Variants in CNTN1 observed in about 807,000 individuals in gnomAD.
The protein encoded by CNTN1 is contactin-1.
CNTN1 carries 38 observed loss-of-function variants against 126.4 expected under a neutral mutation model. That is an observed-to-expected ratio of 0.30 (90% CI 0.23 to 0.39). The LOEUF (loss-of-function observed/expected upper bound fraction) is 0.39, where lower values mean the gene tolerates loss of function less well. Among genes scored for constraint, CNTN1 ranks in the 10% least tolerant of loss-of-function variants. CNTN1 has a pLI of 1.00. For missense variants in CNTN1, 1,009 were observed against 1,248.4 expected (o/e 0.81, Z 2.89); for synonymous variants, 413 against 422.6 (o/e 0.98, Z 0.28).
intron 1 of CNTN1, among the ~76,000 whole-genome samples, chr12:40,743,237 G>T (rs889330148): frequency 2.0e-5 from 3 of 152,166 alleles, no homozygotes; most frequent in African/African-American, 7.2e-5. Flanking sequence ...CAAGGTGTGG[G>T]GCGGGAGTGA....
intron 1 of CNTN1, among the ~76,000 whole-genome samples, chr12:40,780,151 G>GAA (rs1939735106): frequency 6.6e-6 from 1 of 151,890 alleles, no homozygotes; most frequent in African/African-American, 2.4e-5. Context: ...ATCAGTACAG[G>GAA]TATATGGAAG....
intron 1 of CNTN1, among the ~76,000 whole-genome samples, chr12:40,849,387 A>C (rs1213531416): frequency 6.6e-6 from 1 of 152,136 alleles, no homozygotes; most frequent in Admixed American, 6.5e-5. Flanking sequence ...ACATAAACAA[A>C]TGTAATAAAT....
At chr12:40,802,434 C>A (rs1028492753) in intron 1 of CNTN1, among the ~76,000 whole-genome samples, 1 of 151,950 alleles carries the variant, frequency 6.6e-6, no homozygotes, top group Non-Finnish European at 1.5e-5. Flanking sequence ...AACACAAGTT[C>A]ATCAATGACA....
chr12:40,912,447 G>A (rs1945075502), intron 3 of CNTN1, among the ~76,000 whole-genome samples: 1 of 151,076 alleles, frequency 6.6e-6, no homozygotes, highest in South Asian at 2.1e-4. Flanking sequence ...TTACACCCAG[G>A]CTAATCTAAA....
intron 15 of CNTN1, among the ~76,000 whole-genome samples, chr12:40,980,270 A>C (rs1947785449): frequency 6.7e-6 from 1 of 149,748 alleles, no homozygotes; most frequent in African/African-American, 2.5e-5. Context: ...CAGTCTCTGC[A>C]AAAGAGTACA....
At chr12:40,949,730 A>G (rs527481008) in intron 14 of CNTN1, among the ~76,000 whole-genome samples, 1 of 151,234 alleles carries the variant, frequency 6.6e-6, no homozygotes, top group African/African-American at 2.4e-5. Flanking sequence ...GCCTGCCACC[A>G]CACCTGACCA....
intron 7 of CNTN1, among the ~76,000 whole-genome samples, chr12:40,930,333 C>G (rs944186074): frequency 6.6e-6 from 1 of 151,958 alleles, no homozygotes; most frequent in Non-Finnish European, 1.5e-5. Flanking sequence ...GCCATTCCTA[C>G]TTCTTAGTAA....
chr12:40,745,430 G>C (rs1938142436), intron 1 of CNTN1, among the ~76,000 whole-genome samples: 1 of 152,074 alleles, frequency 6.6e-6, no homozygotes, highest in African/African-American at 2.4e-5. Flanking sequence ...AACTGGAAGG[G>C]GGCCAGGTTT....
intron 1 of CNTN1, among the ~76,000 whole-genome samples, chr12:40,709,081 C>G (rs1941843009): frequency 6.6e-6 from 1 of 152,136 alleles, no homozygotes; most frequent in African/African-American, 2.4e-5. Context: ...GAATTAGTAT[C>G]TATGCAGCTA....
At position 41,018,005 on chromosome 12, in the gene CNTN1, C is replaced by T. The variant is rs554127461; in HGVS notation, c.2419+1089C>T. On this transcript the variant is annotated intron_variant, in intron 19 of 23. Coordinates refer to ENST00000551295, the MANE Select transcript of CNTN1 (RefSeq NM_001843.4). ...ACTTGGGAGGCTGAGGCAGGAGAAT[C>T]GCCTGGACCCGGGAGGTGAAGTTGC... Among the ~76,000 whole-genome samples, 17 of 151,812 alleles carry T rather than the reference C, an allele frequency of 1.1e-4. No homozygotes were observed. In the South Asian group the frequency reaches 1.5e-3, roughly 13 times the overall value.
chr12:40,859,494 G>A (rs1209283291), intron 1 of CNTN1, among the ~76,000 whole-genome samples: 2 of 151,686 alleles, frequency 1.3e-5, no homozygotes, highest in African/African-American at 4.8e-5. Flanking sequence ...CTCCCAAAAA[G>A]TTATTAAAAT....
At chr12:40,918,904 C>A in intron 4 of CNTN1, 133 bp downstream of exon 4, 1 of 1,094,310 alleles carries the variant, frequency 9.1e-7, no homozygotes. Flanking sequence ...TATTGGCATA[C>A]AAACTATTAA....
intron 5 of CNTN1, among the ~76,000 whole-genome samples, chr12:40,923,202 T>A (rs912219802): frequency 2.0e-4 from 30 of 152,050 alleles, no homozygotes; most frequent in Admixed American, 1.3e-3. Flanking sequence ...TTAATTTATT[T>A]TAAATTTAAA....
intron 12 of CNTN1, among the ~76,000 whole-genome samples, chr12:40,939,696 A>G (rs1946199401): frequency 1.3e-5 from 2 of 152,158 alleles, no homozygotes; most frequent in Non-Finnish European, 2.9e-5. Context: ...TATAATGTAT[A>G]AGGAATTTAG....
chr12:40,872,574 T>TC (rs199819769), intron 1 of CNTN1, among the ~76,000 whole-genome samples: 13,107 of 139,906 alleles, frequency 0.094, 612 homozygotes, highest in Non-Finnish European at 0.13. Flanking sequence ...TTTCTTTCTT[T>TC]TTTTTTTTTT....
chr12:40,750,171 G>T (rs776598656), intron 1 of CNTN1, among the ~76,000 whole-genome samples: 4 of 152,056 alleles, frequency 2.6e-5, no homozygotes, highest in Non-Finnish European at 4.4e-5. Context: ...ACAGTAACTG[G>T]ATGAGGATGT....
intron 1 of CNTN1, among the ~76,000 whole-genome samples, chr12:40,759,774 A>ATTTTTTTTTTTTTTTTTTTTTTT (rs33992864): frequency 6.7e-5 from 9 of 133,582 alleles, no homozygotes; most frequent in African/African-American, 2.5e-4. Flanking sequence ...TGGCCCAGAT[A>ATTTTTTTTTTTTTTTTTTTTTTT]TTTTTTTTTT....
At chr12:41,057,494 A>G (rs1314215672) in intron 23 of CNTN1, among the ~76,000 whole-genome samples, 1 of 152,006 alleles carries the variant, frequency 6.6e-6, no homozygotes. Context: ...TGTATTAAAA[A>G]ATCAACCTAT....
At chr12:41,032,733 C>T (rs1949174483) in intron 23 of CNTN1, among the ~76,000 whole-genome samples, 1 of 152,208 alleles carries the variant, frequency 6.6e-6, no homozygotes, top group Admixed American at 6.5e-5. Context: ...GCACTGTTTA[C>T]TTTTCATCCT....
Sources: gnomAD v4.1 joint callset for allele counts (sites outside exome capture counted in the v4.1 genomes callset) on GRCh38, gnomAD v4.1.1 for gene constraint, MANE v1.5 for transcripts, NCBI Gene and HGNC (gene_info 2026-07-23, HGNC 2026-07-21) for gene names.